The following FRY variants were observed in gnomAD, a reference collection of about 807,000 sequenced individuals.
FRY encodes the protein protein furry homolog.
In FRY, 128 loss-of-function variants were observed where a neutral mutation model predicts 348.4. That is an observed-to-expected ratio of 0.37 (90% CI 0.32 to 0.43). The LOEUF (loss-of-function observed/expected upper bound fraction) is 0.43, where lower values mean the gene tolerates loss of function less well. Ranked by LOEUF, FRY falls within the 20% of genes least tolerant of loss-of-function variation. The pLI, the probability that FRY is intolerant of heterozygous loss-of-function variation, is 1.00. For synonymous variants in FRY, 1,370 were observed against 1,374.7 expected, an observed-to-expected ratio of 1.00 and a Z score of 0.08; for missense variants, 2,736 against 3,695.2, an observed-to-expected ratio of 0.74 and a Z score of 6.73.
rs1367754277 is a variant in FRY, at chr13:32,185,008, C to T, written c.3179C>T (p.Ala1060Val). 2 of 1,613,960 alleles carry T rather than the reference C, an allele frequency of 1.2e-6. No homozygotes were observed. Among genetic ancestry groups the T allele is most frequent in the Admixed American group, 1.7e-5 (1 of 60,016 alleles). ...GGAGCCCTAGAGCGGGATACTTTAG[C>T]CCTGGGAGCTTTGTTCTTAGAATAT... ...TNGALERDTL[A>V]LGALFLEYVD... Residue 1060 changes from alanine to valine, a missense_variant, in exon 26 of 61, where the codon GCC becomes GTC. Ala to Val is a moderately conservative substitution (Grantham distance 64). Coordinates refer to ENST00000542859, the MANE Select transcript of FRY (RefSeq NM_023037.3).
chr13:32,227,148 A>G (rs61946741), intron 39 of FRY, among the ~76,000 whole-genome samples: 4,492 of 152,356 alleles, frequency 0.029, 91 homozygotes, highest in Middle Eastern at 0.061. Context: ...AACGCATACA[A>G]TATTCATAGG....
At chr13:32,264,024 C>G (rs1978039) in intron 53 of FRY, among the ~76,000 whole-genome samples, 2,207 of 152,142 alleles carry the variant, frequency 0.015, 29 homozygotes, top group Non-Finnish European at 0.021. Flanking sequence ...AAAAGTAATA[C>G]CTACGTAATA....
intron 1 of FRY, among the ~76,000 whole-genome samples, chr13:32,046,922 G>T (rs576023376): frequency 6.6e-6 from 1 of 152,056 alleles, no homozygotes; most frequent in Non-Finnish European, 1.5e-5. Flanking sequence ...TGCAATTTGG[G>T]ACTGTTACGA....
intron 11 of FRY, 149 bp from the exon 12 acceptor site, chr13:32,147,133 T>C: frequency 1.6e-6 from 1 of 632,762 alleles, no homozygotes. Flanking sequence ...GCCAATACTC[T>C]GTAAGTCCCA....
chr13:32,230,163 C>G (rs918372908), intron 40 of FRY, among the ~76,000 whole-genome samples: 1 of 152,084 alleles, frequency 6.6e-6, no homozygotes, highest in Admixed American at 6.6e-5. Context: ...GCTATTTCAC[C>G]AGCCAGATGT....
chr13:32,090,927 T>TA (rs143938086), intron 2 of FRY, among the ~76,000 whole-genome samples: 7,230 of 151,128 alleles, frequency 0.048, 407 homozygotes, highest in East Asian at 0.26. Context: ...AGATTTTGCT[T>TA]AAAAAAAAAG....
chr13:32,142,171 G>C (rs968491904), intron 11 of FRY, among the ~76,000 whole-genome samples: 1 of 152,160 alleles, frequency 6.6e-6, no homozygotes, highest in Admixed American at 6.5e-5. Flanking sequence ...TTCAAGTAGA[G>C]TAGGCACCAA....
intron 7 of FRY, among the ~76,000 whole-genome samples, chr13:32,128,361 C>T (rs1879154636): frequency 6.6e-6 from 1 of 152,138 alleles, no homozygotes; most frequent in South Asian, 2.1e-4. Context: ...AGTGATGGAA[C>T]CTGGTGCATC....
At chr13:32,069,868 C>T (rs1191298464) in intron 1 of FRY, among the ~76,000 whole-genome samples, 1 of 151,676 alleles carries the variant, frequency 6.6e-6, no homozygotes, top group East Asian at 1.9e-4. Flanking sequence ...CCCCCAGACC[C>T]CCACCCCCCA....
chr13:32,161,039 G>T (rs1881414905), intron 16 of FRY, 105 bp from the exon 17 acceptor site: 1 of 789,376 alleles, frequency 1.3e-6, no homozygotes, highest in African/African-American at 1.7e-5. Context: ...ACCAGGCTGT[G>T]ACTCAGAAGG....
intron 19 of FRY, among the ~76,000 whole-genome samples, chr13:32,174,204 C>T (rs989912605): frequency 4.6e-5 from 7 of 152,158 alleles, no homozygotes; most frequent in Non-Finnish European, 1.0e-4. Context: ...TAGAAAATTA[C>T]CACTTTCTGT....
chr13:32,043,665 A>G (rs462762), intron 1 of FRY, among the ~76,000 whole-genome samples: 90,802 of 151,990 alleles, frequency 0.6, 27,703 homozygotes, highest in Non-Finnish European at 0.65. Flanking sequence ...TTATATTGAT[A>G]TGTACTTCCT....
At chr13:32,275,333 A>T (rs1484232812) in intron 56 of FRY, among the ~76,000 whole-genome samples, 1 of 151,768 alleles carries the variant, frequency 6.6e-6, no homozygotes, top group Admixed American at 6.6e-5. Flanking sequence ...GCTTGCAGTG[A>T]GCCGAGATCA....
At chr13:32,147,144 G>T in intron 11 of FRY, 138 bp from the exon 12 acceptor site, 2 of 654,572 alleles carry the variant, frequency 3.1e-6, no homozygotes, top group Non-Finnish European at 2.8e-6. Flanking sequence ...GTAAGTCCCA[G>T]GTGATGCAAT....
At position 32,249,571 on chromosome 13, in the gene FRY, G is replaced by A. The variant is rs1365988992; in HGVS notation, c.7054G>A (p.Gly2352Arg). Reference protein sequence around the residue: ...RRYDELQNSSGRDGKPRAMAV... With the variant: ...RRYDELQNSSRRDGKPRAMAV... ...GTATGATGAGCTGCAGAATTCTTCT[G>A]GGCGTGATGGGAAGCCCAGGGCCAT... Residue 2352 changes from glycine to arginine, a missense_variant, in exon 49 of 61, where the codon GGG becomes AGG. Physicochemically the swap from Gly to Arg is moderately radical, Grantham distance 125. Transcript: ENST00000542859. The A allele has an allele frequency of 1.2e-6, 2 of 1,614,040 alleles. No individual in the cohort carries two copies. Among genetic ancestry groups the A allele is most frequent in the East Asian group, 2.2e-5 (1 of 44,896 alleles).
chr13:32,223,317 G>A (rs543373240), intron 36 of FRY, among the ~76,000 whole-genome samples: 1 of 152,066 alleles, frequency 6.6e-6, no homozygotes, highest in Non-Finnish European at 1.5e-5. Flanking sequence ...CATAGAGATG[G>A]GAATTCAACA....
At chr13:32,171,594 G>A (rs919782687) in intron 18 of FRY, among the ~76,000 whole-genome samples, 1 of 152,076 alleles carries the variant, frequency 6.6e-6, no homozygotes, top group Non-Finnish European at 1.5e-5. Context: ...TTACAGGTGT[G>A]AGCCACCATG....
intron 55 of FRY, among the ~76,000 whole-genome samples, chr13:32,268,418 G>C (rs1000496241): frequency 3.3e-5 from 5 of 149,762 alleles, no homozygotes; most frequent in Non-Finnish European, 7.4e-5. Context: ...ACGAAGATGA[G>C]GTTGTAGGGG....
intron 1 of FRY, among the ~76,000 whole-genome samples, chr13:32,044,828 T>C (rs1872936072): frequency 6.6e-6 from 1 of 152,188 alleles, no homozygotes; most frequent in South Asian, 2.1e-4. Context: ...TTTGTGTAGG[T>C]GGCTGAAAAA....
Sources: gnomAD v4.1 joint callset for allele counts (sites outside exome capture counted in the v4.1 genomes callset) on GRCh38, gnomAD v4.1.1 for gene constraint, MANE v1.5 for transcripts, NCBI Gene and HGNC (gene_info 2026-07-23, HGNC 2026-07-21) for gene names.